The following CORO2B variants were observed in gnomAD, a reference collection of about 807,000 sequenced individuals.
The protein encoded by CORO2B is coronin 2B, also known as coronin-2B.
In CORO2B, 26 loss-of-function variants were observed where a neutral mutation model predicts 58.8. The observed-to-expected ratio is 0.44, with a 90% CI of 0.32 to 0.61. CORO2B has a LOEUF of 0.61. Ranked by LOEUF, CORO2B falls within the 20% of genes least tolerant of loss-of-function variation. The pLI, the probability that CORO2B is intolerant of heterozygous loss-of-function variation, is 0.04. For missense variants in CORO2B, 460 were observed against 645.1 expected (o/e 0.71, Z 3.11); for synonymous variants, 242 against 253.8 (o/e 0.95, Z 0.44).
chr15:68,598,395 T>C (rs565488411), intron 1 of CORO2B, among the ~76,000 whole-genome samples: 1 of 152,374 alleles, frequency 6.6e-6, no homozygotes, highest in South Asian at 2.1e-4. Flanking sequence ...CTGTCTCTGC[T>C]TCTCTATTTT....
intron 1 of CORO2B, among the ~76,000 whole-genome samples, chr15:68,625,653 A>G (rs1197749501): frequency 6.6e-6 from 1 of 151,896 alleles, no homozygotes; most frequent in Non-Finnish European, 1.5e-5. Flanking sequence ...CTCCCAGGCT[A>G]GAGTGCAGTG....
intron 2 of CORO2B, among the ~76,000 whole-genome samples, chr15:68,694,475 G>A (rs1207448663): frequency 6.6e-6 from 1 of 152,222 alleles, no homozygotes. Flanking sequence ...ACACAGGCCT[G>A]TGGGACTCCG....
rs556842212 is a variant in CORO2B, at chr15:68,601,497, C to A, written c.15+22220C>A. On this transcript the variant is annotated intron_variant, in intron 1 of 11. Transcript: ENST00000261861. ...GAGTGGTGTGAGGTGGGGATTGCGG[C>A]CATGAGCGTGCAGTGCGAGGAGGGC... Among the ~76,000 whole-genome samples, 11 of 152,286 alleles carry A rather than the reference C, an allele frequency of 7.2e-5. No homozygotes were observed. The East Asian group carries it at 2.1e-3, about 29-fold the overall frequency.
At chr15:68,540,298 C>T in the CORO2B span, among the ~76,000 whole-genome samples, 1 of 152,122 alleles carries the variant, frequency 6.6e-6, no homozygotes, top group Non-Finnish European at 1.5e-5. Flanking sequence ...ACATCACGAC[C>T]CATCACAATG....
In CORO2B at chr15:68,615,768, C is replaced by T. The variant is rs144151174; in HGVS notation, c.16-29392C>T. Among the ~76,000 whole-genome samples the T allele has an allele frequency of 1.0e-3, 154 of 152,292 alleles. 1 individual carries two copies. The South Asian group carries it at 0.017, about 17-fold the overall frequency. ...GTGGGCCATCACCAGACACCAAATC[C>T]GTCAGTGCCCTGGTCTTGGACTTCC... is the stretch of plus-strand genomic sequence containing the variant. On this transcript the variant is annotated intron_variant, in intron 1 of 11. Coordinates refer to ENST00000261861, the MANE Select transcript of CORO2B (RefSeq NM_006091.5).
intron 3 of CORO2B, among the ~76,000 whole-genome samples, chr15:68,700,135 C>T (rs1892605891): frequency 6.6e-6 from 1 of 152,166 alleles, no homozygotes; most frequent in African/African-American, 2.4e-5. Context: ...CACCGAGGCC[C>T]TCCCTCCACC....
chr15:68,522,048 A>G, the CORO2B span, among the ~76,000 whole-genome samples: 1 of 152,146 alleles, frequency 6.6e-6, no homozygotes, highest in African/African-American at 2.4e-5. Flanking sequence ...AACTCAAGCA[A>G]TCCTCCCACC....
chr15:68,639,933 T>C (rs1901153888), intron 1 of CORO2B, among the ~76,000 whole-genome samples: 1 of 152,074 alleles, frequency 6.6e-6, no homozygotes, highest in Admixed American at 6.5e-5. Flanking sequence ...GCTTTAAGGG[T>C]AAAGGCAAAG....
rs571762958 is a variant in CORO2B at position 68,620,033 on chromosome 15, T to C, written c.16-25127T>C. On this transcript the variant is annotated intron_variant, in intron 1 of 11. Coordinates refer to ENST00000261861, the MANE Select transcript of CORO2B (RefSeq NM_006091.5). The stretch of plus-strand genomic sequence containing the variant: ...TTCAAGCAACTCTCCTGCCTCAGCC[T>C]CCTGAGTAGCTGGGATTACAGGCGC... Among the ~76,000 whole-genome samples the C allele has an allele frequency of 6.7e-4, 102 of 152,228 alleles. 1 individual carries two copies. The South Asian group carries it at 0.014, about 20-fold the overall frequency.
chr15:68,666,216 A>T (rs1902185594), intron 2 of CORO2B, among the ~76,000 whole-genome samples: 1 of 152,208 alleles, frequency 6.6e-6, no homozygotes, highest in Admixed American at 6.5e-5. Context: ...TTCTTTGGGA[A>T]CATTCTGGGT....
chr15:68,536,027 G>C, the CORO2B span, among the ~76,000 whole-genome samples: 1 of 152,124 alleles, frequency 6.6e-6, no homozygotes, highest in African/African-American at 2.4e-5. Flanking sequence ...AACTTATATG[G>C]TTCTGAAAAC....
chr15:68,590,002 C>T (rs1053578379), intron 1 of CORO2B, among the ~76,000 whole-genome samples: 1 of 152,204 alleles, frequency 6.6e-6, no homozygotes, highest in African/African-American at 2.4e-5. Flanking sequence ...GCTGGCCGTC[C>T]TGGCACACTG....
At position 68,579,112 on chromosome 15, in the gene CORO2B, C is replaced by A. The variant is rs1367624992; in HGVS notation, c.-151C>A. 1.8e-5 allele frequency: 18 copies of A among 982,484 alleles called. No individual in the cohort carries two copies. The East Asian group carries it at 1.8e-3, about 100-fold the overall frequency. The allele number at this position is 982,484 out of a possible 1,614,324, so 60.9% of individuals were successfully genotyped here. The stretch of plus-strand genomic sequence containing the variant: ...CGAGCGGTCCCTGCGCGCTGCCCGC[C>A]CGGAGCGCAGCCCCCAGGCTCGGCC... On this transcript the variant is annotated 5_prime_UTR_variant, in exon 1 of 12. Transcript: ENST00000261861.
intron 2 of CORO2B, among the ~76,000 whole-genome samples, chr15:68,647,325 A>G (rs558704675): frequency 6.6e-6 from 1 of 152,366 alleles, no homozygotes; most frequent in South Asian, 2.1e-4. Context: ...ACTTGACTAC[A>G]ATATTTGCAA....
At chr15:68,633,420 T>A (rs1595979725) in intron 1 of CORO2B, among the ~76,000 whole-genome samples, 2 of 151,288 alleles carry the variant, frequency 1.3e-5, no homozygotes, top group East Asian at 1.9e-4. Context: ...AAGTTTAATT[T>A]AAAAAAAAAG....
chr15:68,623,106 A>C (rs938998432), intron 1 of CORO2B, among the ~76,000 whole-genome samples: 1 of 152,202 alleles, frequency 6.6e-6, no homozygotes, highest in African/African-American at 2.4e-5. Flanking sequence ...CAGAGGTTGC[A>C]GTGAGCCGAG....
intron 11 of CORO2B, among the ~76,000 whole-genome samples, chr15:68,722,450 A>G (rs1326780652): frequency 6.6e-6 from 1 of 152,214 alleles, no homozygotes; most frequent in East Asian, 1.9e-4. Flanking sequence ...AAGTGTGAGG[A>G]AACAACTGAC....
chr15:68,705,125 C>T (rs891740902), intron 3 of CORO2B, among the ~76,000 whole-genome samples: 3 of 152,114 alleles, frequency 2.0e-5, no homozygotes, highest in Non-Finnish European at 2.9e-5. Flanking sequence ...GTCTCCTTCT[C>T]CCAGTAATGT....
At chr15:68,616,375 T>A (rs1309258722) in intron 1 of CORO2B, among the ~76,000 whole-genome samples, 1 of 152,226 alleles carries the variant, frequency 6.6e-6, no homozygotes, top group Non-Finnish European at 1.5e-5. Flanking sequence ...TTTAGCATTA[T>A]TTTTAGTCTT....
Sources: gnomAD v4.1 joint callset for allele counts (sites outside exome capture counted in the v4.1 genomes callset) on GRCh38, gnomAD v4.1.1 for gene constraint, MANE v1.5 for transcripts, NCBI Gene and HGNC (gene_info 2026-07-23, HGNC 2026-07-21) for gene names.